The following LMNTD2 variants were observed in gnomAD, a reference collection of about 807,000 sequenced individuals.
LMNTD2 encodes lamin tail domain containing 2, also known as lamin tail domain-containing protein 2.
A neutral mutation model predicts 70.1 loss-of-function variants in LMNTD2; 83 were observed. The observed-to-expected ratio is 1.18, with a 90% CI of 0.99 to 1.42. The LOEUF is 1.42. LMNTD2 is among the 40% of genes most tolerant of loss of function. The probability of loss-of-function intolerance (pLI) is 0.00; values close to 1 mark genes in which losing one functional copy is unlikely to be tolerated. For synonymous variants in LMNTD2, 534 were observed against 406.1 expected (o/e 1.31, Z -3.79); for missense variants, 1,153 against 905.9 (o/e 1.27, Z -3.50).
chr11:556,638 C>G, intron 8 of LMNTD2, 50 bp from the exon 9 acceptor site: 2 of 1,445,576 alleles, frequency 1.4e-6, no homozygotes, highest in Non-Finnish European at 1.8e-6. Flanking sequence ...GGAGTCCCCA[C>G]CGGATGTTCC....
At chr11:559,527 T>A in intron 1 of LMNTD2, 1 of 1,255,994 alleles carries the variant, frequency 8.0e-7, no homozygotes, top group East Asian at 5.7e-5. Context: ...GCTGAGCCAC[T>A]GCTCAGCTTA....
Position 555,726 on chromosome 11 carries a change from G to T in LMNTD2, c.1574+8C>A. 1 of 1,388,566 alleles carries T rather than the reference G, an allele frequency of 7.2e-7. No individual in the cohort carries two copies. Among genetic ancestry groups the T allele is most frequent in the Non-Finnish European group, 9.2e-7 (1 of 1,082,220 alleles). The allele number at this position is 1,388,566 out of a possible 1,614,324, so 86.0% of individuals were successfully genotyped here. A position where few individuals can be genotyped will look rare whatever the true frequency, so the allele number is the denominator to read the frequency against. On this transcript the variant is annotated splice_region_variant and intron_variant, in intron 12 of 13. Coordinates refer to ENST00000329451, the MANE Select transcript of LMNTD2 (RefSeq NM_173573.3). ...GGAGGCCAGATCCCGGGGACCCGCG[G>T]TCCCCACCCTGGTCTCCGGCGACTG...
chr11:556,423 ACAGCTGCGCGCCCCGCC>A, intron 9 of LMNTD2, 48 bp from the exon 10 acceptor site: 1 of 1,544,192 alleles, frequency 6.5e-7, no homozygotes, highest in Non-Finnish European at 8.7e-7. Context: ...GTCCACCCGC[ACAGCTGCGCGCCCCGCC>A]CGGAAACCAG....
chr11:560,618 G>A (rs930288770), intron 1 of LMNTD2, 65 bp downstream of exon 1: 28 of 1,326,076 alleles, frequency 2.1e-5, no homozygotes, highest in Non-Finnish European at 2.6e-5. Context: ...CCCTTCCTGG[G>A]CGGGAACCCG....
intron 1 of LMNTD2, chr11:559,439 C>G (rs1233434299): frequency 7.7e-7 from 1 of 1,305,174 alleles, no homozygotes; most frequent in Admixed American, 2.3e-5. Flanking sequence ...CTGTTTGTTA[C>G]CAGGAGCCTC....
At position 557,875 on chromosome 11, in the gene LMNTD2, C is replaced by G. The variant is rs368443726; in HGVS notation, c.555+9G>C. ...GCCTGGGGCAGGAGGGCTTGGGGGA[C>G]AGGCTCACCTCCACACTGCCAGTCT... On this transcript the variant is annotated intron_variant, in intron 5 of 13. Transcript: ENST00000329451. 14 of 1,556,090 alleles carry G rather than the reference C, an allele frequency of 9.0e-6. No individual in the cohort carries two copies. Among genetic ancestry groups the G allele is most frequent in the Middle Eastern group, 2.3e-4 (1 of 4,358 alleles).
In LMNTD2 at chr11:559,073, T is replaced by TG. The variant is rs763788712; in HGVS notation, c.35-95dup. ...AATGTTCTTCGGGAGCTGGGAGGGG[T>TG]GGGGGGCCCGTCTGCCGTGTGCGCC... is the stretch of plus-strand genomic sequence containing the variant. On this transcript the variant is annotated intron_variant, in intron 1 of 13. Transcript: ENST00000329451. 4 of 1,541,226 alleles carry TG rather than the reference T, an allele frequency of 2.6e-6. No individual in the cohort carries two copies. In the African/African-American group the frequency reaches 4.1e-5, roughly 16 times the overall value.
chr11:559,490 C>T (rs1172524554), intron 1 of LMNTD2: 2 of 1,291,268 alleles, frequency 1.5e-6, no homozygotes, highest in Non-Finnish European at 1.0e-6. Flanking sequence ...AGTTCTGGGC[C>T]AGCCCAGCCT....
At chr11:558,415 A>G (rs1589832390) in intron 3 of LMNTD2, 167 bp from the exon 4 acceptor site, 1 of 1,058,636 alleles carries the variant, frequency 9.4e-7, no homozygotes, top group Non-Finnish European at 1.3e-6. Flanking sequence ...GGTCTGGACA[A>G]GGGTCTAGCA....
chr11:558,529 C>T (rs770672891), intron 3 of LMNTD2, 85 bp downstream of exon 3: 24 of 1,457,086 alleles, frequency 1.6e-5, no homozygotes, highest in African/African-American at 1.4e-4. Flanking sequence ...TCTGCCTCAG[C>T]GGTTGGGGTT....
intron 3 of LMNTD2, 170 bp from the exon 4 acceptor site, chr11:558,418 G>A (rs1175924993): frequency 6.6e-6 from 7 of 1,054,660 alleles, no homozygotes; most frequent in Admixed American, 2.8e-5. Context: ...CTGGACAAGG[G>A]TCTAGCACCC....
At position 557,574 on chromosome 11, in the gene LMNTD2, C is replaced by T. The variant is rs1237465263; in HGVS notation, c.622G>A (p.Glu208Lys). The T allele has an allele frequency of 2.5e-6, 4 of 1,613,302 alleles. No homozygotes were observed. The highest frequency in any genetic ancestry group is 3.4e-6 in the Non-Finnish European group (4 of 1,179,870). Residue 208 changes from glutamate (E) to lysine (K), a missense_variant and splice_region_variant, in exon 6 of 14, where the codon GAG becomes AAG. By Grantham distance (56) the Glu-to-Lys change is moderately conservative. Coordinates refer to ENST00000329451, the MANE Select transcript of LMNTD2 (RefSeq NM_173573.3). ...CACACGTGGGAGGCCTAGCTCACCT[C>T]CCCGGTGGGGGCCTGAATGTTTTCA... ...LSENIQAPTG[E>K]GFRLEDVDWN...
intron 3 of LMNTD2, 65 bp from the exon 4 acceptor site, chr11:558,313 G>A (rs1272493149): frequency 1.3e-6 from 2 of 1,546,332 alleles, no homozygotes; most frequent in Non-Finnish European, 1.8e-6. Flanking sequence ...TGTCAGGTCA[G>A]TGGCGAAGGA....
rs146577631 is a variant in LMNTD2 at position 559,746 on chromosome 11, A to G, written c.35-767T>C. 3.0e-5 allele frequency: 32 copies of G among 1,058,320 alleles called. No homozygotes were observed. The African/African-American group carries it at 4.9e-4, about 16-fold the overall frequency. 65.6% of individuals were successfully genotyped at this position (1,058,320 alleles called of 1,614,324 possible). A position where few individuals can be genotyped will look rare whatever the true frequency, so the allele number is the denominator to read the frequency against. ...CTGGCAATAGTACACTCCTGCCCAC[A>G]GCCTGTTTTTAAATTAATAATTAAT... On this transcript the variant is annotated intron_variant, in intron 1 of 13. Transcript: ENST00000329451.
Position 555,091 on chromosome 11 carries a change from G to C in LMNTD2, c.1794C>G (p.Asp598Glu), listed in dbSNP as rs777861633. 9 of 1,552,430 alleles carry C rather than the reference G, an allele frequency of 5.8e-6. No individual in the cohort carries two copies. The South Asian group carries it at 9.4e-5, about 16-fold the overall frequency. The part of the protein sequence containing the change: ...HRVRVCRKSV[D>E]RSCPLVALSV... ...ACAGGGCCACCAGGGGGCAGCTACG[G>C]TCCACGCTCTTCCGGCACACCTGGG... Residue 598 changes from aspartate (D) to glutamate (E), a missense_variant, in exon 14 of 14, where the codon GAC becomes GAG. By Grantham distance (45) the Asp-to-Glu change is conservative. Transcript: ENST00000329451.
At position 556,695 on chromosome 11, in the gene LMNTD2, G is replaced by A; in HGVS notation, c.977-107C>T. 4 of 1,411,280 alleles carry A rather than the reference G, an allele frequency of 2.8e-6. No homozygotes were observed. In the South Asian group the frequency reaches 5.9e-5, roughly 21 times the overall value. The allele number at this position is 1,411,280 out of a possible 1,614,324, so 87.4% of individuals were successfully genotyped here. The stretch of plus-strand genomic sequence containing the variant: ...GCAACGCCTGGCGGGGCAGGGAGCA[G>A]GGCCAGGGTCAGATGGGGCAGGAAA... On this transcript the variant is annotated intron_variant, in intron 8 of 13. Transcript: ENST00000329451.
Position 556,994 on chromosome 11 carries a change from G to C in LMNTD2, c.817C>G (p.Leu273Val), listed in dbSNP as rs1403408403. 1 of 1,608,382 alleles carries C rather than the reference G, an allele frequency of 6.2e-7. No individual in the cohort carries two copies. Among genetic ancestry groups the C allele is most frequent in the Non-Finnish European group, 8.5e-7 (1 of 1,179,060 alleles). Residue 273 changes from leucine (L) to valine (V), a missense_variant, in exon 8 of 14, where the codon CTG (leucine) becomes GTG (valine). Leu to Val is a conservative substitution (Grantham distance 32). Coordinates refer to ENST00000329451, the MANE Select transcript of LMNTD2 (RefSeq NM_173573.3). ...GCGCCCCCTGAGCTGCTGGTGTTCA[G>C]ACAGGGCAGGGAGCCCCACTCCACG... Reference protein sequence around the residue: ...KTVEWGSLPCLNTSSSGGADS... With the variant: ...KTVEWGSLPCVNTSSSGGADS...
intron 3 of LMNTD2, 132 bp from the exon 4 acceptor site, chr11:558,380 C>T (rs984621799): frequency 7.8e-6 from 9 of 1,155,710 alleles, no homozygotes; most frequent in African/African-American, 4.7e-5. Flanking sequence ...AGTACAGCCC[C>T]GCTGGGGCTG....
At chr11:555,207 G>GGGCGGGGAGGAGAGC (rs1852751412) in intron 13 of LMNTD2, 96 bp from the exon 14 acceptor site, 6 of 553,656 alleles carry the variant, frequency 1.1e-5, no homozygotes, top group Middle Eastern at 5.1e-4. Context: ...GAGAGCGGAG[G>GGGCGGGGAGGAGAGC]GGAGGGGACG....
Sources: allele counts gnomAD v4.1 joint callset, GRCh38; gene constraint gnomAD v4.1.1; transcripts MANE v1.5; gene names NCBI Gene and HGNC (gene_info 2026-07-23, HGNC 2026-07-21).